Variants in EYS observed in about 807,000 individuals in gnomAD.
EYS encodes the protein EGF-like photoreceptor maintenance factor.
EYS carries 250 observed loss-of-function variants against 282.1 expected under a neutral mutation model. That is an observed-to-expected ratio of 0.89 (90% CI 0.80 to 0.98). The LOEUF (loss-of-function observed/expected upper bound fraction) is 0.98. EYS is among the 50% of genes least tolerant of loss of function. EYS has a pLI of 0.00. For synonymous variants in EYS, 1,355 were observed against 1,282.9 expected (o/e 1.06, Z -1.20); for missense variants, 4,016 against 3,709.0 (o/e 1.08, Z -2.15).
chr6:64,365,777 A>G (rs1393854746), intron 29 of EYS, among the ~76,000 whole-genome samples: 1 of 152,042 alleles, frequency 6.6e-6, no homozygotes, highest in African/African-American at 2.4e-5. Context: ...TTATAACAAT[A>G]TACTATATTA....
At chr6:64,459,673 C>A (rs560043224) in intron 26 of EYS, among the ~76,000 whole-genome samples, 1 of 152,242 alleles carries the variant, frequency 6.6e-6, no homozygotes, top group Admixed American at 6.5e-5. Context: ...GGGCAGGAAG[C>A]AGCCAGCATG....
intron 26 of EYS, among the ~76,000 whole-genome samples, chr6:64,545,121 A>G (rs1026963973): frequency 1.3e-5 from 2 of 152,246 alleles, no homozygotes; most frequent in Non-Finnish European, 2.9e-5. Flanking sequence ...AAAATCCTCA[A>G]TAAAATACTG....
At chr6:64,180,720 T>C (rs1764764661) in intron 31 of EYS, among the ~76,000 whole-genome samples, 1 of 152,130 alleles carries the variant, frequency 6.6e-6, no homozygotes, top group African/African-American at 2.4e-5. Context: ...TTACTGCAAA[T>C]GTAACATTGA....
intron 31 of EYS, among the ~76,000 whole-genome samples, chr6:64,206,559 C>T (rs915095429): frequency 3.9e-5 from 6 of 152,078 alleles, no homozygotes; most frequent in African/African-American, 1.4e-4. Context: ...ATTTTCTTGT[C>T]ATGAATTTTA....
chr6:64,271,842 A>G (rs368544027), intron 30 of EYS, among the ~76,000 whole-genome samples: 2 of 151,066 alleles, frequency 1.3e-5, no homozygotes, highest in Non-Finnish European at 3.0e-5. Context: ...ATTTTATTTT[A>G]TTTATTTATT....
chr6:64,882,065 G>T (rs2150060508), intron 19 of EYS, among the ~76,000 whole-genome samples: 1 of 151,794 alleles, frequency 6.6e-6, no homozygotes, highest in Admixed American at 6.6e-5. Context: ...ATGAGGTTTT[G>T]GATTTCAAAT....
At chr6:63,833,875 G>C (rs1355024123) in intron 36 of EYS, among the ~76,000 whole-genome samples, 1 of 152,088 alleles carries the variant, frequency 6.6e-6, no homozygotes, top group African/African-American at 2.4e-5. Flanking sequence ...CAGACCAATG[G>C]AACAGAACAG....
chr6:64,550,103 A>G (rs1435011643), intron 26 of EYS, among the ~76,000 whole-genome samples: 1 of 152,158 alleles, frequency 6.6e-6, no homozygotes, highest in Non-Finnish European at 1.5e-5. Flanking sequence ...TCCATGGTGT[A>G]TATGTGCCAC....
At chr6:64,323,116 CAG>C (rs1240548635) in intron 29 of EYS, among the ~76,000 whole-genome samples, 1 of 147,906 alleles carries the variant, frequency 6.8e-6, no homozygotes, top group East Asian at 2.0e-4. Context: ...AATATGTTCA[CAG>C]AGTTATTCAA....
At chr6:65,083,195 G>C (rs998147165) in intron 12 of EYS, among the ~76,000 whole-genome samples, 1 of 151,944 alleles carries the variant, frequency 6.6e-6, no homozygotes, top group African/African-American at 2.4e-5. Context: ...TTAGACTCAC[G>C]AACCTTTAAA....
At chr6:64,195,413 C>T (rs1765255250) in intron 31 of EYS, among the ~76,000 whole-genome samples, 1 of 152,180 alleles carries the variant, frequency 6.6e-6, no homozygotes, top group Non-Finnish European at 1.5e-5. Context: ...AGTGATTCTC[C>T]TGCCTCAGCC....
chr6:64,244,251 C>G (rs1336488776), intron 30 of EYS, among the ~76,000 whole-genome samples: 4 of 152,094 alleles, frequency 2.6e-5, no homozygotes, highest in Admixed American at 2.0e-4. Flanking sequence ...AGGAGATAAT[C>G]CTATATAATG....
chr6:64,458,103 A>G (rs1021765337), intron 26 of EYS, among the ~76,000 whole-genome samples: 4 of 152,056 alleles, frequency 2.6e-5, no homozygotes, highest in Non-Finnish European at 4.4e-5. Context: ...TAAATTCATG[A>G]TGTCACAAGT....
intron 31 of EYS, among the ~76,000 whole-genome samples, chr6:64,209,008 T>C (rs1027635774): frequency 1.3e-5 from 2 of 152,144 alleles, no homozygotes; most frequent in Non-Finnish European, 2.9e-5. Flanking sequence ...TGTTATTTCT[T>C]CTTCATTTTA....
intron 11 of EYS, among the ~76,000 whole-genome samples, chr6:65,317,704 C>T (rs1313608831): frequency 6.6e-6 from 1 of 152,084 alleles, no homozygotes; most frequent in Non-Finnish European, 1.5e-5. Context: ...GGAGAATCCA[C>T]TGTTAAGCTC....
chr6:63,785,532 G>A (rs757181283), intron 39 of EYS, among the ~76,000 whole-genome samples: 8 of 152,114 alleles, frequency 5.3e-5, no homozygotes, highest in African/African-American at 1.4e-4. Flanking sequence ...AAGGCACAGC[G>A]TATTTGGCAG....
chr6:64,934,972 T>G (rs1462066177), intron 15 of EYS, among the ~76,000 whole-genome samples: 1 of 151,752 alleles, frequency 6.6e-6, no homozygotes. Context: ...TTATAATGTA[T>G]AAGATATAAT....
chr6:65,597,709 C>A (rs894368206), intron 2 of EYS, among the ~76,000 whole-genome samples: 66 of 152,010 alleles, frequency 4.3e-4, no homozygotes, highest in African/African-American at 1.5e-3. Context: ...GTCATGACTG[C>A]GGCTAATATC....
At chr6:64,540,635 G>T (rs992570410) in intron 26 of EYS, among the ~76,000 whole-genome samples, 1 of 151,664 alleles carries the variant, frequency 6.6e-6, no homozygotes, top group African/African-American at 2.4e-5. Context: ...GGCATGCACC[G>T]CCACACCCAG....
Sources: gnomAD v4.1 joint callset for allele counts (sites outside exome capture counted in the v4.1 genomes callset) on GRCh38, gnomAD v4.1.1 for gene constraint, MANE v1.5 for transcripts, NCBI Gene and HGNC (gene_info 2026-07-23, HGNC 2026-07-21) for gene names.